GRIK4: variants seen among roughly 807,000 people sequenced by gnomAD.
The protein encoded by GRIK4 is glutamate ionotropic receptor kainate type subunit 4, also known as glutamate receptor ionotropic, kainate 4.
In GRIK4, 40 loss-of-function variants were observed where a neutral mutation model predicts 104.9. That is an observed-to-expected ratio of 0.38 (90% CI 0.30 to 0.50). The LOEUF (loss-of-function observed/expected upper bound fraction) is 0.50. Among genes scored for constraint, GRIK4 ranks in the 20% least tolerant of loss-of-function variants. GRIK4 has a pLI of 0.93. For missense variants in GRIK4, 1,047 were observed against 1,308.1 expected, an observed-to-expected ratio of 0.80 and a Z score of 3.08; for synonymous variants, 485 against 524.9, an observed-to-expected ratio of 0.92 and a Z score of 1.04.
intron 3 of GRIK4, among the ~76,000 whole-genome samples, chr11:120,765,768 A>G (rs1332814822): frequency 6.6e-6 from 1 of 152,234 alleles, no homozygotes; most frequent in Non-Finnish European, 1.5e-5. Context: ...TTGCCTGGGT[A>G]TCACCAGCAG....
chr11:120,888,989 T>C (rs951908470), intron 11 of GRIK4, among the ~76,000 whole-genome samples: 2 of 152,196 alleles, frequency 1.3e-5, no homozygotes, highest in African/African-American at 4.8e-5. Context: ...CCTTGGCATT[T>C]ACCATTGCTT....
In GRIK4 at chr11:120,981,467, C is replaced by T. The variant is rs1254274887; in HGVS notation, c.2396-639C>T. ...CTGTAAAAATACAGATTCCTGGGCC[C>T]CATGTCCAGAGATACTGATTGAGTA... On this transcript the variant is annotated intron_variant, in intron 19 of 20. Coordinates refer to ENST00000527524, the MANE Select transcript of GRIK4 (RefSeq NM_014619.5). 2.0e-5 allele frequency among the ~76,000 whole-genome samples: 3 copies of T among 152,234 alleles called. No individual in the cohort carries two copies. The East Asian group carries it at 5.8e-4, about 29-fold the overall frequency.
At chr11:120,683,047 A>T (rs1263984896) in intron 3 of GRIK4, among the ~76,000 whole-genome samples, 1 of 151,924 alleles carries the variant, frequency 6.6e-6, no homozygotes, top group African/African-American at 2.4e-5. Context: ...CCTCAGAGAT[A>T]CCTTCATTGT....
chr11:120,609,748 A>C lies in GRIK4; in HGVS notation c.-158-43937A>C, dbSNP rs542616441. On this transcript the variant is annotated intron_variant, in intron 1 of 20. Transcript: ENST00000527524. ...AGGCTGGTCTCGAACTCCTGACCTC[A>C]GGTGATCCATCTGCCTCGGCCTCCC... Among the ~76,000 whole-genome samples the C allele has an allele frequency of 5.9e-5, 9 of 152,036 alleles. No individual in the cohort carries two copies. In the East Asian group the frequency reaches 1.7e-3, roughly 29 times the overall value.
At chr11:120,938,714 A>G (rs1273832640) in intron 13 of GRIK4, among the ~76,000 whole-genome samples, 1 of 152,224 alleles carries the variant, frequency 6.6e-6, no homozygotes, top group Non-Finnish European at 1.5e-5. Context: ...CATCTTTTGC[A>G]TCAACTGATC....
intron 13 of GRIK4, among the ~76,000 whole-genome samples, chr11:120,934,805 G>A (rs778225202): frequency 9.2e-5 from 14 of 152,128 alleles, no homozygotes; most frequent in Non-Finnish European, 1.3e-4. Context: ...TGCCACAGCC[G>A]GGCACATGGG....
intron 3 of GRIK4, among the ~76,000 whole-genome samples, chr11:120,731,208 T>C (rs1951121494): frequency 6.6e-6 from 1 of 152,108 alleles, no homozygotes; most frequent in South Asian, 2.1e-4. Flanking sequence ...GTCTGTCATG[T>C]ATGGCTTTTA....
intron 8 of GRIK4, among the ~76,000 whole-genome samples, chr11:120,853,147 G>C: frequency 6.6e-6 from 1 of 152,132 alleles, no homozygotes; most frequent in East Asian, 1.9e-4. Context: ...ATGTAGATGA[G>C]GTGTAAAGGG....
intron 11 of GRIK4, among the ~76,000 whole-genome samples, chr11:120,881,941 C>T (rs1954979745): frequency 6.6e-6 from 1 of 152,184 alleles, no homozygotes; most frequent in South Asian, 2.1e-4. Context: ...AGACCTGCTT[C>T]TCTGGTGGGA....
chr11:120,518,226 G>A (rs1947754008), intron 1 of GRIK4, among the ~76,000 whole-genome samples: 1 of 152,210 alleles, frequency 6.6e-6, no homozygotes, highest in African/African-American at 2.4e-5. Context: ...TCCAGTTCCA[G>A]CAGTGCAACT....
At chr11:120,913,529 A>G (rs1026437607) in intron 13 of GRIK4, among the ~76,000 whole-genome samples, 11 of 151,612 alleles carry the variant, frequency 7.3e-5, no homozygotes, top group Admixed American at 7.2e-4. Context: ...TTGGGAAGAG[A>G]CAGAGTCCCC....
At chr11:120,663,397 T>C (rs1949852725) in intron 3 of GRIK4, among the ~76,000 whole-genome samples, 1 of 152,214 alleles carries the variant, frequency 6.6e-6, no homozygotes, top group Admixed American at 6.5e-5. Flanking sequence ...GGTGCTGGTA[T>C]CCTTGACTCC....
chr11:120,834,263 G>GGT (rs141196181), intron 7 of GRIK4, among the ~76,000 whole-genome samples: 26,985 of 145,886 alleles, frequency 0.18, 2,655 homozygotes, highest in Middle Eastern at 0.26. Context: ...ACACTTTATA[G>GGT]GTGTGTGTGT....
chr11:120,550,561 G>A (rs1014342456), intron 1 of GRIK4, among the ~76,000 whole-genome samples: 2 of 152,084 alleles, frequency 1.3e-5, no homozygotes, highest in Non-Finnish European at 1.5e-5. Flanking sequence ...GGCAGAGGAT[G>A]GCATTCTGGG....
At chr11:120,670,305 C>G (rs1254123145) in intron 3 of GRIK4, among the ~76,000 whole-genome samples, 1 of 152,222 alleles carries the variant, frequency 6.6e-6, no homozygotes, top group African/African-American at 2.4e-5. Context: ...AAAAATGACT[C>G]TTTTAAGATG....
At position 120,953,508 on chromosome 11, in the gene GRIK4, T is replaced by C. The variant is rs978407513; in HGVS notation, c.1700+544T>C. 6.6e-6 allele frequency among the ~76,000 whole-genome samples: 1 copy of C among 152,084 alleles called. No homozygotes were observed. The highest frequency in any genetic ancestry group is 1.5e-5 in the Non-Finnish European group (1 of 68,014). On this transcript the variant is annotated intron_variant, in intron 15 of 20. Transcript: ENST00000527524. This position sits in a 1 kb window ranked among gnomAD's most constrained non-coding sequence, Gnocchi z 4.9. ...CCTGCCTCTGAAAACACAGCTGCCT[T>C]GTCGAATGGGAACCATGGAGGCTGC...
intron 18 of GRIK4, 146 bp downstream of exon 18, chr11:120,962,827 T>G (rs1944315037): frequency 5.8e-6 from 3 of 516,396 alleles, no homozygotes; most frequent in South Asian, 3.3e-5. Context: ...TCTAAAGTTT[T>G]TTTTTTTTTT....
chr11:120,516,152 G>A (rs976763242), intron 1 of GRIK4, among the ~76,000 whole-genome samples: 4 of 152,346 alleles, frequency 2.6e-5, no homozygotes, highest in African/African-American at 9.6e-5. Context: ...GGGATGGGGC[G>A]GTTGTGGAGT....
intron 3 of GRIK4, among the ~76,000 whole-genome samples, chr11:120,675,660 C>T (rs180810784): frequency 6.6e-6 from 1 of 152,202 alleles, no homozygotes; most frequent in East Asian, 1.9e-4. Flanking sequence ...GATGTACAAA[C>T]CTGCAATTGA....
Sources: allele counts gnomAD v4.1 joint callset (sites outside exome capture counted in the v4.1 genomes callset), GRCh38; gene constraint gnomAD v4.1.1; non-coding constraint Gnocchi (gnomAD v3.1); transcripts MANE v1.5; gene names NCBI Gene and HGNC (gene_info 2026-07-23, HGNC 2026-07-21).